The following LARGE1 variants were observed in gnomAD, a reference collection of about 807,000 sequenced individuals.
LARGE1 encodes the protein LARGE xylosyl- and glucuronyltransferase 1.
LARGE1 carries 43 observed loss-of-function variants against 87.6 expected under a neutral mutation model. That is an observed-to-expected ratio of 0.49 (90% CI 0.38 to 0.63). The LOEUF (loss-of-function observed/expected upper bound fraction) is 0.63, where lower values mean the gene tolerates loss of function less well. Ranked by LOEUF, LARGE1 falls within the 30% of genes least tolerant of loss-of-function variation. The probability of loss-of-function intolerance (pLI) is 0.00; values close to 1 mark genes in which losing one functional copy is unlikely to be tolerated. For missense variants in LARGE1, 802 were observed against 1,000.2 expected (o/e 0.80, Z 2.67); for synonymous variants, 434 against 394.6 (o/e 1.10, Z -1.18).
At chr22:33,580,040 T>C (rs2078468490) in intron 5 of LARGE1, among the ~76,000 whole-genome samples, 1 of 152,144 alleles carries the variant, frequency 6.6e-6, no homozygotes, top group African/African-American at 2.4e-5. Context: ...AGTGTGGCAA[T>C]TCCCTTCTCT....
chr22:33,490,218 A>G (rs540752273), intron 6 of LARGE1, among the ~76,000 whole-genome samples: 3 of 152,218 alleles, frequency 2.0e-5, no homozygotes, highest in African/African-American at 4.8e-5. Flanking sequence ...AGTTCACATT[A>G]CTAAAGGGCT....
intron 1 of LARGE1, among the ~76,000 whole-genome samples, chr22:33,850,988 G>C (rs9609881): frequency 0.18 from 27,861 of 152,164 alleles, 2,729 homozygotes; most frequent in Middle Eastern, 0.27. Context: ...CATTTCTAAA[G>C]TTTGGGTGGT....
chr22:33,686,661 G>A (rs2081953616), intron 2 of LARGE1, among the ~76,000 whole-genome samples: 1 of 151,874 alleles, frequency 6.6e-6, no homozygotes. Context: ...GGCCTATCAT[G>A]GCCTAGACCA....
intron 4 of LARGE1, among the ~76,000 whole-genome samples, chr22:33,620,265 T>C (rs1476675305): frequency 1.6e-4 from 24 of 152,248 alleles, no homozygotes; most frequent in Non-Finnish European, 7.3e-5. Flanking sequence ...TGAAAGCAGA[T>C]CATGCTAGCA....
At chr22:33,113,677 C>A in the LARGE1 span, among the ~76,000 whole-genome samples, 1 of 152,312 alleles carries the variant, frequency 6.6e-6, no homozygotes, top group Middle Eastern at 3.4e-3. Context: ...GTTGGTTCAA[C>A]TGTTACAGAG....
At chr22:33,893,788 A>G (rs2065064507) in intron 1 of LARGE1, among the ~76,000 whole-genome samples, 2 of 152,326 alleles carry the variant, frequency 1.3e-5, no homozygotes, top group East Asian at 1.9e-4. Context: ...GTATTCAGGT[A>G]TCATGGGAAC....
At chr22:33,149,256 A>T in the LARGE1 span, among the ~76,000 whole-genome samples, 1 of 151,686 alleles carries the variant, frequency 6.6e-6, no homozygotes, top group South Asian at 2.1e-4. Flanking sequence ...GTTAGCCAGG[A>T]TGGTCTCGAT....
intron 1 of LARGE1, among the ~76,000 whole-genome samples, chr22:33,795,858 G>C (rs1256276420): frequency 2.6e-5 from 4 of 152,062 alleles, no homozygotes; most frequent in African/African-American, 9.7e-5. Context: ...GTGGGGTGGG[G>C]GGAGGTGGGA....
intron 12 of LARGE1, among the ~76,000 whole-genome samples, chr22:33,301,433 G>T (rs1934125938): frequency 6.6e-6 from 1 of 151,784 alleles, no homozygotes; most frequent in Non-Finnish European, 1.5e-5. Context: ...TGATTTTTTT[G>T]CTCCAAATCA....
chr22:33,801,840 G>T (rs1361790279), intron 1 of LARGE1, among the ~76,000 whole-genome samples: 1 of 152,116 alleles, frequency 6.6e-6, no homozygotes, highest in Non-Finnish European at 1.5e-5. Flanking sequence ...TTCCTCATAT[G>T]TAACACAGGG....
chr22:33,842,943 CAAAACAAAACAAAAA>C (rs1265703456), intron 1 of LARGE1, among the ~76,000 whole-genome samples: 8 of 132,076 alleles, frequency 6.1e-5, no homozygotes, highest in African/African-American at 3.0e-4. Context: ...CAAAACAAAA[CAAAACAAAACAAAAA>C]AACCACAACA....
intron 1 of LARGE1, among the ~76,000 whole-genome samples, chr22:33,794,203 T>G (rs2085911645): frequency 6.6e-6 from 1 of 152,136 alleles, no homozygotes; most frequent in African/African-American, 2.4e-5. Flanking sequence ...TGTGAATAAT[T>G]TGCAAATGCT....
chr22:33,131,454 C>T, the LARGE1 span, among the ~76,000 whole-genome samples: 4 of 152,074 alleles, frequency 2.6e-5, no homozygotes, highest in Admixed American at 1.3e-4. Context: ...TCTGTTCTCA[C>T]GCTGCTAATA....
chr22:33,784,984 T>C (rs1001035005), intron 1 of LARGE1, among the ~76,000 whole-genome samples: 7 of 150,958 alleles, frequency 4.6e-5, no homozygotes, highest in African/African-American at 1.7e-4. Context: ...TATACATACA[T>C]ATGTGTACGT....
intron 1 of LARGE1, among the ~76,000 whole-genome samples, chr22:33,907,969 T>C (rs1486243694): frequency 6.6e-6 from 1 of 152,206 alleles, no homozygotes; most frequent in East Asian, 1.9e-4. Context: ...CCAGATTTCC[T>C]GAAGGCATCA....
At chr22:33,709,509 A>G (rs1044298894) in intron 2 of LARGE1, among the ~76,000 whole-genome samples, 6 of 152,130 alleles carry the variant, frequency 3.9e-5, no homozygotes. Flanking sequence ...ACTTGGATTT[A>G]AACTCATCCT....
At chr22:33,551,827 C>A (rs182366643) in intron 6 of LARGE1, among the ~76,000 whole-genome samples, 2 of 152,036 alleles carry the variant, frequency 1.3e-5, no homozygotes, top group African/African-American at 2.4e-5. Flanking sequence ...CCCATCTCTA[C>A]TAAAAATACA....
At chr22:33,186,854 T>C (rs1248999976) in intron 11 of LARGE1, among the ~76,000 whole-genome samples, 1 of 152,162 alleles carries the variant, frequency 6.6e-6, no homozygotes, top group Non-Finnish European at 1.5e-5. Context: ...AAATAAAATT[T>C]TGAAAATTAA....
intron 6 of LARGE1, among the ~76,000 whole-genome samples, chr22:33,438,516 C>A (rs1601840475): frequency 1.3e-5 from 2 of 152,224 alleles, no homozygotes; most frequent in African/African-American, 4.8e-5. Flanking sequence ...AGCGAACAAG[C>A]TTGCTTTTCT....
Sources: allele counts gnomAD v4.1 joint callset (sites outside exome capture counted in the v4.1 genomes callset), GRCh38; gene constraint gnomAD v4.1.1; transcripts MANE v1.5; gene names NCBI Gene and HGNC (gene_info 2026-07-23, HGNC 2026-07-21).